ZNF804A: variants seen among roughly 807,000 people sequenced by gnomAD.
ZNF804A encodes the protein zinc finger protein 804A.
Under a neutral mutation model 16.5 loss-of-function variants are expected in ZNF804A, and 2 were observed. The ratio of observed to expected loss-of-function variants is 0.12; its 90% CI spans 0.05 to 0.38. The LOEUF is 0.38. Ranked by LOEUF, ZNF804A falls within the 10% of genes least tolerant of loss-of-function variation. The probability of loss-of-function intolerance (pLI) is 0.99; values close to 1 mark genes in which losing one functional copy is unlikely to be tolerated. For synonymous variants in ZNF804A, 534 were observed against 489.6 expected (o/e 1.09, Z -1.20); for missense variants, 1,473 against 1,390.7 (o/e 1.06, Z -0.94).
At chr2:184,711,399 G>C (rs988265092) in intron 1 of ZNF804A, among the ~76,000 whole-genome samples, 1 of 151,656 alleles carries the variant, frequency 6.6e-6, no homozygotes, top group African/African-American at 2.4e-5. Context: ...GCATATTTTA[G>C]ATATTGATCC....
chr2:184,836,683 G>A (rs1046406677), intron 1 of ZNF804A, among the ~76,000 whole-genome samples: 37 of 147,944 alleles, frequency 2.5e-4, no homozygotes, highest in Middle Eastern at 7.1e-3. Context: ...TTGTGTGTGT[G>A]TATATATATA....
chr2:184,747,321 CAAAAAAAAAA>C (rs397986917), intron 1 of ZNF804A, among the ~76,000 whole-genome samples: 1 of 78,092 alleles, frequency 1.3e-5, no homozygotes, highest in African/African-American at 4.6e-5. Flanking sequence ...AATCTTGCTG[CAAAAAAAAAA>C]AAAAAAAAAA....
At chr2:184,877,277 T>C (rs975090222) in intron 2 of ZNF804A, among the ~76,000 whole-genome samples, 3 of 152,116 alleles carry the variant, frequency 2.0e-5, no homozygotes, top group Non-Finnish European at 2.9e-5. Context: ...TATCCTTTAT[T>C]CTGTATAGAT....
intron 1 of ZNF804A, among the ~76,000 whole-genome samples, chr2:184,789,624 G>C (rs1356133045): frequency 2.6e-5 from 4 of 152,024 alleles, no homozygotes; most frequent in African/African-American, 9.7e-5. Context: ...TGTGTGCACA[G>C]AGGTGTTCAT....
intron 1 of ZNF804A, among the ~76,000 whole-genome samples, chr2:184,817,572 A>G (rs901873550): frequency 6.6e-6 from 1 of 152,078 alleles, no homozygotes; most frequent in African/African-American, 2.4e-5. Flanking sequence ...GAATTGACAG[A>G]AGGAGGCTTC....
intron 1 of ZNF804A, among the ~76,000 whole-genome samples, chr2:184,797,841 G>T (rs1033146915): frequency 6.6e-6 from 1 of 151,996 alleles, no homozygotes; most frequent in Non-Finnish European, 1.5e-5. Flanking sequence ...CTGTTTTGAT[G>T]TGCTTCCAGG....
chr2:184,632,781 AG>A (rs1691634509), intron 1 of ZNF804A, among the ~76,000 whole-genome samples: 1 of 152,194 alleles, frequency 6.6e-6, no homozygotes, highest in Non-Finnish European at 1.5e-5. Context: ...GGGTAGAAGA[AG>A]GAAAAGGGGA....
intron 1 of ZNF804A, among the ~76,000 whole-genome samples, chr2:184,639,032 T>C (rs1166430345): frequency 2.0e-5 from 3 of 151,910 alleles, no homozygotes; most frequent in African/African-American, 7.2e-5. Flanking sequence ...GTTCTATAAC[T>C]TACTTCATGC....
At chr2:184,825,289 A>G (rs1394965795) in intron 1 of ZNF804A, among the ~76,000 whole-genome samples, 1 of 152,170 alleles carries the variant, frequency 6.6e-6, no homozygotes, top group East Asian at 1.9e-4. Flanking sequence ...AACAGAATAA[A>G]CTATTTAAAA....
chr2:184,897,951 A>C (rs1213037510), intron 2 of ZNF804A, among the ~76,000 whole-genome samples: 1 of 152,070 alleles, frequency 6.6e-6, no homozygotes, highest in African/African-American at 2.4e-5. Context: ...GTTAGTACAA[A>C]CCAAGATCTG....
chr2:184,735,368 C>T (rs1693590269), intron 1 of ZNF804A, among the ~76,000 whole-genome samples: 1 of 152,120 alleles, frequency 6.6e-6, no homozygotes, highest in Admixed American at 6.5e-5. Context: ...TGCATTTTCT[C>T]ACTCATAAGT....
At chr2:184,918,341 C>T (rs1237000065) in intron 2 of ZNF804A, among the ~76,000 whole-genome samples, 3 of 152,122 alleles carry the variant, frequency 2.0e-5, no homozygotes, top group Admixed American at 6.6e-5. Flanking sequence ...TCCTTTGGAA[C>T]TAAGACTTCT....
At chr2:184,660,450 AAC>A (rs1692154265) in intron 1 of ZNF804A, among the ~76,000 whole-genome samples, 2 of 152,216 alleles carry the variant, frequency 1.3e-5, no homozygotes, top group Non-Finnish European at 1.5e-5. Flanking sequence ...TTATTTCAGA[AAC>A]AGATATTTCA....
At chr2:184,723,404 A>AT (rs886277105) in intron 1 of ZNF804A, among the ~76,000 whole-genome samples, 4 of 151,578 alleles carry the variant, frequency 2.6e-5, no homozygotes, top group African/African-American at 4.8e-5. Context: ...AAAATGTTTA[A>AT]TTTTTTTTAA....
chr2:184,921,508 T>C (rs568531749), intron 2 of ZNF804A, among the ~76,000 whole-genome samples: 1 of 152,290 alleles, frequency 6.6e-6, no homozygotes, highest in African/African-American at 2.4e-5. Context: ...TTTTGGTGGA[T>C]ACGTAGTAGG....
At chr2:184,781,557 G>A (rs1209998790) in intron 1 of ZNF804A, among the ~76,000 whole-genome samples, 1 of 151,352 alleles carries the variant, frequency 6.6e-6, no homozygotes, top group African/African-American at 2.4e-5. Flanking sequence ...TTCTTTTTTG[G>A]GAAATTTTCA....
At chr2:184,675,847 T>C (rs1037980900) in intron 1 of ZNF804A, among the ~76,000 whole-genome samples, 3 of 151,668 alleles carry the variant, frequency 2.0e-5, no homozygotes, top group Non-Finnish European at 4.4e-5. Context: ...TCCACACTAG[T>C]GAACACAAGA....
chr2:184,847,309 G>C (rs146702525), intron 1 of ZNF804A, among the ~76,000 whole-genome samples: 2 of 151,984 alleles, frequency 1.3e-5, no homozygotes, highest in Non-Finnish European at 2.9e-5. Flanking sequence ...ATCTAAATGC[G>C]TGTTTTTAGT....
chr2:184,914,865 A>G (rs540729987), intron 2 of ZNF804A, among the ~76,000 whole-genome samples: 2 of 151,820 alleles, frequency 1.3e-5, no homozygotes, highest in Non-Finnish European at 2.9e-5. Flanking sequence ...TATAGATTTC[A>G]TGGTTTTAAA....
Sources: allele counts gnomAD v4.1 joint callset (sites outside exome capture counted in the v4.1 genomes callset), GRCh38; gene constraint gnomAD v4.1.1; transcripts MANE v1.5; gene names NCBI Gene and HGNC (gene_info 2026-07-23, HGNC 2026-07-21).